SUPT3H: variants seen among roughly 807,000 people sequenced by gnomAD.
SUPT3H encodes the protein SPT3 homolog, SAGA and STAGA complex component.
SUPT3H carries 44 observed loss-of-function variants against 44.3 expected under a neutral mutation model. The observed-to-expected ratio is 0.99, with a 90% CI of 0.78 to 1.28. The LOEUF (loss-of-function observed/expected upper bound fraction) is 1.28. Ranked by LOEUF, SUPT3H falls within the 50% of genes most tolerant of loss-of-function variation. The pLI, the probability that SUPT3H is intolerant of heterozygous loss-of-function variation, is 0.00. For synonymous variants in SUPT3H, 124 were observed against 125.6 expected, an observed-to-expected ratio of 0.99 and a Z score of 0.09; for missense variants, 380 against 387.1, an observed-to-expected ratio of 0.98 and a Z score of 0.15.
intron 11 of SUPT3H, among the ~76,000 whole-genome samples, chr6:44,813,125 A>G (rs1000189231): frequency 6.6e-6 from 1 of 152,194 alleles, no homozygotes; most frequent in Non-Finnish European, 1.5e-5. Flanking sequence ...AAATAGATCA[A>G]CCTTGATCCA....
intron 2 of SUPT3H, among the ~76,000 whole-genome samples, chr6:45,114,576 C>T (rs377076905): frequency 1.2e-4 from 18 of 152,190 alleles, no homozygotes; most frequent in East Asian, 9.6e-4. Context: ...AAATAAAACT[C>T]ATCTACAGTG....
At position 45,014,806 on chromosome 6, in the gene SUPT3H, A is replaced by C; in HGVS notation, c.359T>G (p.Leu120Arg). 1 of 1,583,912 alleles carries C rather than the reference A, an allele frequency of 6.3e-7. No individual in the cohort carries two copies. The highest frequency in any genetic ancestry group is 1.2e-5 in the South Asian group (1 of 84,442). The part of the protein sequence containing the change: ...IVKGIDEDDL[L>R]EDKLSGSNNA... ...TTGTGTTTTGTTTTGGTTACCTTCG[A>C]GAAGATCATCCTCATCGATGCCTTT... Residue 120 changes from leucine (L) to arginine (R), a missense_variant, in exon 5 of 11, where the codon CTC becomes CGC. Physicochemically the swap from Leu to Arg is moderately radical, Grantham distance 102. Coordinates refer to ENST00000371459, the MANE Select transcript of SUPT3H (RefSeq NM_003599.4).
chr6:45,302,014 T>C (rs1387340365), intron 2 of SUPT3H, among the ~76,000 whole-genome samples: 1 of 152,154 alleles, frequency 6.6e-6, no homozygotes, highest in East Asian at 1.9e-4. Flanking sequence ...TGGGCCAGTT[T>C]TCCACAGCAA....
At chr6:45,039,989 G>C (rs1203243646) in intron 3 of SUPT3H, among the ~76,000 whole-genome samples, 1 of 152,166 alleles carries the variant, frequency 6.6e-6, no homozygotes, top group East Asian at 1.9e-4. Context: ...GGATTTTGCA[G>C]TTGGTCAGAC....
chr6:45,352,372 G>C (rs1325561020), intron 2 of SUPT3H, among the ~76,000 whole-genome samples: 1 of 152,020 alleles, frequency 6.6e-6, no homozygotes, highest in Non-Finnish European at 1.5e-5. Context: ...AGTTTTCCTA[G>C]TTTATGAACT....
At chr6:45,090,335 T>C (rs1403453141) in intron 3 of SUPT3H, among the ~76,000 whole-genome samples, 1 of 152,094 alleles carries the variant, frequency 6.6e-6, no homozygotes, top group Non-Finnish European at 1.5e-5. Flanking sequence ...CATTAGGTCT[T>C]TAATACTGAC....
At chr6:45,258,057 A>G (rs1159127104) in intron 2 of SUPT3H, among the ~76,000 whole-genome samples, 2 of 152,346 alleles carry the variant, frequency 1.3e-5, no homozygotes. Context: ...CATGATGTTA[A>G]CATCGTTCTT....
chr6:44,837,223 C>T (rs914564129), intron 10 of SUPT3H, among the ~76,000 whole-genome samples: 16 of 152,176 alleles, frequency 1.1e-4, no homozygotes, highest in African/African-American at 3.6e-4. Flanking sequence ...GGGGGCTCAG[C>T]TCTAACAACA....
At chr6:45,076,829 T>C (rs889174492) in intron 3 of SUPT3H, among the ~76,000 whole-genome samples, 3 of 152,126 alleles carry the variant, frequency 2.0e-5, no homozygotes, top group Non-Finnish European at 2.9e-5. Context: ...CAGGGCCCCC[T>C]AGAAATGGCC....
chr6:44,809,757 C>T (rs575469246), intron 11 of SUPT3H, among the ~76,000 whole-genome samples: 5 of 152,228 alleles, frequency 3.3e-5, no homozygotes, highest in Middle Eastern at 6.8e-3. Context: ...TCCATAAATG[C>T]CCCTCTTAAA....
At chr6:44,975,029 G>A (rs780343151) in intron 6 of SUPT3H, among the ~76,000 whole-genome samples, 2 of 152,058 alleles carry the variant, frequency 1.3e-5, no homozygotes, top group Non-Finnish European at 2.9e-5. Context: ...AAATTAGCTG[G>A]GCATGGTGGT....
At chr6:45,080,526 A>G (rs1170067245) in intron 3 of SUPT3H, among the ~76,000 whole-genome samples, 9 of 152,126 alleles carry the variant, frequency 5.9e-5, no homozygotes, top group Non-Finnish European at 1.3e-4. Flanking sequence ...TTTGGAAGCA[A>G]CATAAGTGTC....
intron 2 of SUPT3H, among the ~76,000 whole-genome samples, chr6:45,345,087 T>G (rs1790575451): frequency 6.6e-6 from 1 of 152,172 alleles, no homozygotes; most frequent in Non-Finnish European, 1.5e-5. Context: ...AACTACCCAC[T>G]CATCTGCGCT....
rs150333769 is a variant in SUPT3H, at chr6:44,877,712, C to T, written c.913-47855G>A. ...CCTAAGATTGCATTTCTCATGCAAA[C>T]CTCTCCTGCATCAAACATTATGTTC... is the stretch of plus-strand genomic sequence containing the variant. On this transcript the variant is annotated intron_variant, in intron 10 of 10. Coordinates refer to ENST00000371459, the MANE Select transcript of SUPT3H (RefSeq NM_003599.4). Among the ~76,000 whole-genome samples, 123 of 152,228 alleles carry T rather than the reference C, an allele frequency of 8.1e-4. 2 individuals carry two copies. The highest frequency in any genetic ancestry group is 3.8e-4 in the Non-Finnish European group (26 of 68,024).
intron 10 of SUPT3H, among the ~76,000 whole-genome samples, chr6:44,876,327 A>C (rs1472683367): frequency 1.5e-5 from 1 of 65,208 alleles, no homozygotes. Context: ...GCAGCCATAA[A>C]AAATGATGAG....
chr6:44,885,185 C>A (rs1320879305), intron 10 of SUPT3H, among the ~76,000 whole-genome samples: 1 of 152,184 alleles, frequency 6.6e-6, no homozygotes, highest in Non-Finnish European at 1.5e-5. Context: ...CCTCTGCGGG[C>A]AGGGCACAGA....
chr6:44,854,037 C>T (rs908520611), intron 10 of SUPT3H, among the ~76,000 whole-genome samples: 8 of 150,146 alleles, frequency 5.3e-5, no homozygotes, highest in South Asian at 4.2e-4. Context: ...AATAAATATA[C>T]GCAGAGAGCT....
At chr6:44,840,437 A>G (rs1295748806) in intron 10 of SUPT3H, among the ~76,000 whole-genome samples, 1 of 152,232 alleles carries the variant, frequency 6.6e-6, no homozygotes, top group African/African-American at 2.4e-5. Context: ...AGGTAAGCTA[A>G]TGCACAAGTA....
At chr6:44,891,566 A>G (rs558928868) in intron 10 of SUPT3H, among the ~76,000 whole-genome samples, 108 of 152,212 alleles carry the variant, frequency 7.1e-4, no homozygotes, top group Non-Finnish European at 1.3e-3. Flanking sequence ...ATAGATAGAA[A>G]GTCGATAGAG....
Sources: allele counts gnomAD v4.1 joint callset (sites outside exome capture counted in the v4.1 genomes callset), GRCh38; gene constraint gnomAD v4.1.1; transcripts MANE v1.5; gene names NCBI Gene and HGNC (gene_info 2026-07-23, HGNC 2026-07-21).